The following ZBTB16 variants were observed in gnomAD, a reference collection of about 807,000 sequenced individuals.
The protein encoded by ZBTB16 is zinc finger and BTB domain-containing protein 16.
Under a neutral mutation model 56.8 loss-of-function variants are expected in ZBTB16, and 8 were observed. That is an observed-to-expected ratio of 0.14 (90% CI 0.08 to 0.25). ZBTB16 has a LOEUF of 0.25. ZBTB16 is among the 10% of genes least tolerant of loss of function. The probability of loss-of-function intolerance (pLI) is 1.00; values close to 1 mark genes in which losing one functional copy is unlikely to be tolerated. For missense variants in ZBTB16, 625 were observed against 903.0 expected, an observed-to-expected ratio of 0.69 and a Z score of 3.95; for synonymous variants, 363 against 368.5, an observed-to-expected ratio of 0.98 and a Z score of 0.17.
At chr11:114,090,543 G>T (rs1473948112) in intron 2 of ZBTB16, among the ~76,000 whole-genome samples, 1 of 152,222 alleles carries the variant, frequency 6.6e-6, no homozygotes, top group Non-Finnish European at 1.5e-5. Context: ...ACTTTCTGGT[G>T]GTGAGAAGAT....
chr11:114,167,233 T>TTTG, intron 3 of ZBTB16, among the ~76,000 whole-genome samples: 1 of 52,640 alleles, frequency 1.9e-5, no homozygotes, highest in African/African-American at 2.3e-4. Flanking sequence ...TTTTTTTTGG[T>TTTG]TTTTTTTTTT....
At chr11:114,216,611 A>G (rs1211470884) in intron 4 of ZBTB16, among the ~76,000 whole-genome samples, 1 of 152,094 alleles carries the variant, frequency 6.6e-6, no homozygotes, top group Non-Finnish European at 1.5e-5. Flanking sequence ...AACTCATCAC[A>G]CCGGAGGCAG....
intron 4 of ZBTB16, among the ~76,000 whole-genome samples, chr11:114,198,389 A>G (rs1943653582): frequency 1.3e-5 from 1 of 79,286 alleles, no homozygotes; most frequent in Non-Finnish European, 2.4e-5. Flanking sequence ...CCTAATATAG[A>G]GTTTTATTTT....
At chr11:114,167,216 GTTTTTTTTTTTTTTGGTTTTTTTT>G (rs1360616824) in intron 3 of ZBTB16, among the ~76,000 whole-genome samples, 6 of 79,940 alleles carry the variant, frequency 7.5e-5, no homozygotes, top group East Asian at 4.5e-4. Context: ...TGGATTTGTG[GTTTTTTTTTTTTTTGGTTTTTTTT>G]TTTTTTTTTT....
At chr11:114,193,046 C>G (rs1325856557) in intron 4 of ZBTB16, among the ~76,000 whole-genome samples, 7 of 152,166 alleles carry the variant, frequency 4.6e-5, no homozygotes, top group Admixed American at 4.6e-4. Flanking sequence ...TGATGGTGAC[C>G]AACTCAGGCA....
chr11:114,165,601 C>T (rs1044954489), intron 3 of ZBTB16, among the ~76,000 whole-genome samples: 5 of 152,258 alleles, frequency 3.3e-5, no homozygotes, highest in South Asian at 2.1e-4. Context: ...GGGCCTGAAG[C>T]GTACTCAGTT....
intron 2 of ZBTB16, among the ~76,000 whole-genome samples, chr11:114,120,862 A>G (rs1250696575): frequency 6.6e-6 from 1 of 152,100 alleles, no homozygotes; most frequent in Non-Finnish European, 1.5e-5. Flanking sequence ...GGCAGCGTGG[A>G]TGCTGGACCT....
At chr11:114,206,904 G>T (rs1173596018) in intron 4 of ZBTB16, among the ~76,000 whole-genome samples, 1 of 152,164 alleles carries the variant, frequency 6.6e-6, no homozygotes, top group Non-Finnish European at 1.5e-5. Context: ...GATCTCTCAG[G>T]TGCCCTTGGT....
chr11:114,157,219 A>C (rs772340389), intron 3 of ZBTB16, among the ~76,000 whole-genome samples: 2 of 152,082 alleles, frequency 1.3e-5, no homozygotes, highest in African/African-American at 2.4e-5. Flanking sequence ...TCCTTTCCCC[A>C]TATTGGCTCC....
chr11:114,141,088 C>T (rs1021743765), intron 2 of ZBTB16, among the ~76,000 whole-genome samples: 2 of 152,204 alleles, frequency 1.3e-5, no homozygotes, highest in Non-Finnish European at 2.9e-5. Flanking sequence ...CCGCTGTCTT[C>T]ACCACCTGCC....
At chr11:114,201,671 AG>A (rs769262245) in intron 4 of ZBTB16, among the ~76,000 whole-genome samples, 2 of 152,236 alleles carry the variant, frequency 1.3e-5, no homozygotes, top group Non-Finnish European at 2.9e-5. Context: ...GCATGATAAA[AG>A]CTGATTAGAG....
Position 114,250,649 on chromosome 11 carries a change from G to GAAA in ZBTB16, c.*103_*105dup. 5.0e-6 allele frequency: 5 copies of GAAA among 1,004,444 alleles called. No homozygotes were observed. Among genetic ancestry groups the GAAA allele is most frequent in the Non-Finnish European group, 7.0e-6 (5 of 716,738 alleles). The allele number at this position is 1,004,444 out of a possible 1,614,324, so 62.2% of individuals were successfully genotyped here. ...GACTATGACAAATAAAAAAGGAAAA[G>GAAA]AAAAAAAAAAACAGAAGGAAAAGGA... is the stretch of plus-strand genomic sequence containing the variant. On this transcript the variant is annotated 3_prime_UTR_variant, in exon 7 of 7. Transcript: ENST00000335953. The surrounding 1 kb of genome is among the most constrained non-coding windows in gnomAD (Gnocchi z 6.0).
chr11:114,213,778 T>A (rs572484425), intron 4 of ZBTB16, among the ~76,000 whole-genome samples: 5 of 152,294 alleles, frequency 3.3e-5, no homozygotes, highest in African/African-American at 1.2e-4. Context: ...CCTAAATCCC[T>A]GTGAGACAGG....
intron 2 of ZBTB16, among the ~76,000 whole-genome samples, chr11:114,131,399 T>G (rs1439408312): frequency 6.6e-6 from 1 of 152,224 alleles, no homozygotes. Context: ...GCACATAAAA[T>G]CTTTTGTTTT....
In ZBTB16 at chr11:114,068,193, G is replaced by A. The variant is rs534266552; in HGVS notation, c.1268+3625G>A. On this transcript the variant is annotated intron_variant, in intron 2 of 6. Transcript: ENST00000335953. ...TATTTTTAAGTCAATAGGCCTGAGTGTTGGTAAAGACTAGATACCCAGCAG... is the reference window on the plus strand; with the variant it reads ...TATTTTTAAGTCAATAGGCCTGAGTATTGGTAAAGACTAGATACCCAGCAG... 4.2e-4 allele frequency among the ~76,000 whole-genome samples: 64 copies of A among 152,212 alleles called. No individual in the cohort carries two copies. In the South Asian group the frequency reaches 0.013, roughly 31 times the overall value.
At chr11:114,148,436 T>TCCC (rs373061678) in intron 2 of ZBTB16, among the ~76,000 whole-genome samples, 11 of 43,218 alleles carry the variant, frequency 2.5e-4, no homozygotes, top group Non-Finnish European at 3.9e-4. Context: ...TCTCTCTCTC[T>TCCC]TTCTCTCTCT....
chr11:114,245,054 G>A (rs1287860724), intron 5 of ZBTB16, among the ~76,000 whole-genome samples: 1 of 152,236 alleles, frequency 6.6e-6, no homozygotes, highest in Non-Finnish European at 1.5e-5. Flanking sequence ...ACAGGGCTGT[G>A]AGTGCAGACA....
intron 2 of ZBTB16, among the ~76,000 whole-genome samples, chr11:114,099,937 T>G (rs1474248411): frequency 6.6e-6 from 1 of 152,244 alleles, no homozygotes; most frequent in Non-Finnish European, 1.5e-5. Flanking sequence ...TGTCTGTCTT[T>G]CTCAACCCCA....
intron 2 of ZBTB16, among the ~76,000 whole-genome samples, chr11:114,134,591 TTAATTAGCACAGTTGAAG>T: frequency 6.6e-6 from 1 of 152,336 alleles, no homozygotes. Flanking sequence ...ACAGTTGAAA[TTAATTAGCACAGTTGAAG>T]TAATTAGCAC....
Sources: gnomAD v4.1 joint callset for allele counts (sites outside exome capture counted in the v4.1 genomes callset) on GRCh38, gnomAD v4.1.1 for gene constraint, Gnocchi (gnomAD v3.1) non-coding constraint, MANE v1.5 for transcripts, NCBI Gene and HGNC (gene_info 2026-07-23, HGNC 2026-07-21) for gene names.